The following CCDC191 variants were observed in gnomAD, a reference collection of about 807,000 sequenced individuals.
The protein encoded by CCDC191 is coiled-coil domain-containing protein 191.
Under a neutral mutation model 114.0 loss-of-function variants are expected in CCDC191, and 99 were observed. The ratio of observed to expected loss-of-function variants is 0.87; its 90% CI spans 0.74 to 1.03. The LOEUF is 1.03. Among genes scored for constraint, CCDC191 ranks in the 50% least tolerant of loss-of-function variants. The pLI is 0.00. For synonymous variants in CCDC191, 351 were observed against 376.0 expected, an observed-to-expected ratio of 0.93 and a Z score of 0.77; for missense variants, 973 against 1,087.0, an observed-to-expected ratio of 0.90 and a Z score of 1.47.
At chr3:114,046,470 G>T (rs529536392) in intron 3 of CCDC191, 121 bp downstream of exon 3, 4 of 704,688 alleles carry the variant, frequency 5.7e-6, no homozygotes, top group African/African-American at 3.6e-5. Context: ...AGTTTCAGGG[G>T]AGTAGAAAGA....
intron 2 of CCDC191, 98 bp downstream of exon 2, chr3:114,053,499 A>C: frequency 5.2e-6 from 3 of 571,774 alleles, no homozygotes; most frequent in Non-Finnish European, 5.9e-6. Context: ...TAAAAATAGC[A>C]GAGTATGTGC....
At position 114,001,657 on chromosome 3, in the gene CCDC191, C is replaced by T; in HGVS notation, c.2101G>A (p.Glu701Lys). Residue 701 changes from glutamate to lysine, a missense_variant, in exon 13 of 17, where the codon GAG becomes AAG. Glu to Lys is a moderately conservative substitution (Grantham distance 56). Transcript: ENST00000295878. ...KAQEEERQKR[E>K]AEEKEAQLER... ...AGCTGTGCCTCCTTTTCTTCTGCCT[C>T]CCTTTTCTGACGTTCCTCCTCTTGG... 1.2e-6 allele frequency: 2 copies of T among 1,613,928 alleles called. No individual in the cohort carries two copies. Among genetic ancestry groups the T allele is most frequent in the South Asian group, 1.1e-5 (1 of 91,072 alleles).
chr3:114,056,320 T>C (rs749826664), intron 1 of CCDC191, 57 bp downstream of exon 1: 137 of 1,562,104 alleles, frequency 8.8e-5, no homozygotes, highest in Admixed American at 7.2e-4. Context: ...ACTGGCTTCC[T>C]GACTGCGCCG....
chr3:114,024,782 A>G (rs1044200627), intron 7 of CCDC191, among the ~76,000 whole-genome samples: 8 of 152,212 alleles, frequency 5.3e-5, no homozygotes, highest in African/African-American at 1.9e-4. Context: ...GCACACCAAC[A>G]TGGCACATAT....
Position 114,056,428 on chromosome 3 carries a change from T to C in CCDC191, c.39A>G (p.Lys13=), listed in dbSNP as rs763833183. 1.1e-5 allele frequency: 17 copies of C among 1,614,146 alleles called. No homozygotes were observed. The highest frequency in any genetic ancestry group is 6.7e-5 in the Admixed American group (4 of 60,028). ...GTTTCCAGCGATTCAGCCCCATCCT[T>C]TTCTTTGAGAAGGACCTTCCCTGAG... ...LAPQGRSFSK[K]RMGLNRWKRF... is the part of the protein sequence containing the mutation. The change falls in exon 1 of 17, where the codon AAA becomes AAG. Residue 13 remains lysine (K), a synonymous_variant. Transcript: ENST00000295878.
At chr3:114,020,020 G>A (rs2076221093) in intron 7 of CCDC191, among the ~76,000 whole-genome samples, 1 of 152,190 alleles carries the variant, frequency 6.6e-6, no homozygotes, top group Non-Finnish European at 1.5e-5. Flanking sequence ...GTGGCACTGA[G>A]TGTGGGGAGC....
rs535680396 is a variant in CCDC191 at position 113,996,106 on chromosome 3, G to A, written c.2163+5489C>T. On this transcript the variant is annotated intron_variant, in intron 13 of 16. Coordinates refer to ENST00000295878, the MANE Select transcript of CCDC191 (RefSeq NM_020817.2). The stretch of plus-strand genomic sequence containing the variant: ...CACTTTTATGATAGTTTCTTTTGCT[G>A]TGCAGAAGCTCTTTAGTTTAATTAG... Among the ~76,000 whole-genome samples, 16 of 152,188 alleles carry A rather than the reference G, an allele frequency of 1.1e-4. No individual in the cohort carries two copies. The South Asian group carries it at 1.2e-3, about 12-fold the overall frequency.
At chr3:114,000,948 T>C (rs749914952) in intron 13 of CCDC191, among the ~76,000 whole-genome samples, 102 of 152,088 alleles carry the variant, frequency 6.7e-4, no homozygotes, top group Non-Finnish European at 9.9e-4. Flanking sequence ...AGCCACAATG[T>C]CTGGCCCCTT....
At chr3:114,030,924 A>G (rs1030585120) in intron 7 of CCDC191, among the ~76,000 whole-genome samples, 1 of 152,118 alleles carries the variant, frequency 6.6e-6, no homozygotes, top group African/African-American at 2.4e-5. Context: ...AAATATACAT[A>G]TTTATCTTTT....
At chr3:114,004,415 T>C in intron 11 of CCDC191, 22 of 1,102,754 alleles carry the variant, frequency 2.0e-5, no homozygotes, top group Non-Finnish European at 2.4e-5. Context: ...TGTGTGTGTG[T>C]TGGCTGGGAA....
chr3:114,056,488 C>A lies in CCDC191; in HGVS notation c.-22G>T. ...GCATTTTCCAAGTTCGAGCCCGAAC[C>A]TCGGCCAAAGCTGCAGCAACCGCCC... is the stretch of plus-strand genomic sequence containing the variant. On this transcript the variant is annotated 5_prime_UTR_variant, in exon 1 of 17. The change creates a new upstream start codon in the 5' untranslated region. Coordinates refer to ENST00000295878, the MANE Select transcript of CCDC191 (RefSeq NM_020817.2). 6.2e-7 allele frequency: 1 copy of A among 1,614,054 alleles called. No individual in the cohort carries two copies. Among genetic ancestry groups the A allele is most frequent in the Non-Finnish European group, 8.5e-7 (1 of 1,180,034 alleles).
intron 15 of CCDC191, 95 bp downstream of exon 15, chr3:113,978,763 A>C (rs548627607): frequency 1.5e-6 from 2 of 1,350,694 alleles, no homozygotes; most frequent in East Asian, 2.3e-5. Context: ...TCTTGAAAAA[A>C]CATAATGACC....
chr3:113,983,582 T>C (rs191710805), intron 13 of CCDC191, among the ~76,000 whole-genome samples: 1 of 152,278 alleles, frequency 6.6e-6, no homozygotes, highest in Admixed American at 6.5e-5. Context: ...TACCACTCTC[T>C]CCCTACTTCT....
At position 114,004,632 on chromosome 3, in the gene CCDC191, C is replaced by G; in HGVS notation, c.1978+5G>C. On this transcript the variant is annotated splice_donor_5th_base_variant and intron_variant, in intron 11 of 16. Coordinates refer to ENST00000295878, the MANE Select transcript of CCDC191 (RefSeq NM_020817.2). ...CCACCAAGGCCACCACCGAGACAGC[C>G]CTGCCTTTTAGTATGGGATGCGGTG... is the stretch of plus-strand genomic sequence containing the variant. 1 of 1,611,520 alleles carries G rather than the reference C, an allele frequency of 6.2e-7. No individual in the cohort carries two copies. The highest frequency in any genetic ancestry group is 8.5e-7 in the Non-Finnish European group (1 of 1,178,550).
At chr3:114,008,767 A>T (rs1291987955) in intron 9 of CCDC191, among the ~76,000 whole-genome samples, 1 of 152,176 alleles carries the variant, frequency 6.6e-6, no homozygotes, top group African/African-American at 2.4e-5. Context: ...AGAAAAATGG[A>T]CAAAGGGCAT....
At chr3:114,005,406 A>G (rs757073329) in intron 10 of CCDC191, 102 bp downstream of exon 10, 4 of 1,174,394 alleles carry the variant, frequency 3.4e-6, no homozygotes, top group Non-Finnish European at 4.8e-6. Context: ...ATCAAGGAAA[A>G]GGAACAATCA....
At chr3:114,028,287 T>G (rs1344942806) in intron 7 of CCDC191, among the ~76,000 whole-genome samples, 1 of 148,884 alleles carries the variant, frequency 6.7e-6, no homozygotes, top group Non-Finnish European at 1.5e-5. Context: ...TTTTTTTTTT[T>G]TTTTTTTTTT....
intron 9 of CCDC191, among the ~76,000 whole-genome samples, chr3:114,007,341 G>A (rs2075988179): frequency 2.6e-5 from 4 of 152,112 alleles, no homozygotes; most frequent in Admixed American, 2.6e-4. Flanking sequence ...CCCATCCTTA[G>A]GGACTCAAAA....
At position 114,018,850 on chromosome 3, in the gene CCDC191, C is replaced by T. The variant is rs1231573488; in HGVS notation, c.991G>A (p.Ala331Thr). The change falls in exon 8 of 17, where the codon GCT becomes ACT. Residue 331 changes from alanine (A) to threonine (T), a missense_variant. Physicochemically the swap from Ala to Thr is moderately conservative, Grantham distance 58. Transcript: ENST00000295878. ...ENQQCQKRYF[A>T]AWHKLILDHR... The stretch of plus-strand genomic sequence containing the variant: ...TCAAGAATCAGCTTGTGCCAGGCAG[C>T]GAAATACCGTTTTTGACACTGCAGC... 2.5e-6 allele frequency: 4 copies of T among 1,613,424 alleles called. No individual in the cohort carries two copies.
Sources: allele counts gnomAD v4.1 joint callset (sites outside exome capture counted in the v4.1 genomes callset), GRCh38; gene constraint gnomAD v4.1.1; transcripts MANE v1.5; gene names NCBI Gene and HGNC (gene_info 2026-07-23, HGNC 2026-07-21).